EPG5: variants seen among roughly 807,000 people sequenced by gnomAD.
The protein encoded by EPG5 is ectopic P-granules 5 autophagy tethering factor, also known as ectopic P granules protein 5 homolog.
A neutral mutation model predicts 302.7 loss-of-function variants in EPG5; 159 were observed. The observed-to-expected ratio is 0.53, with a 90% CI of 0.46 to 0.60. The LOEUF (loss-of-function observed/expected upper bound fraction) is 0.60. Among genes scored for constraint, EPG5 ranks in the 20% least tolerant of loss-of-function variants. EPG5 has a pLI of 0.00. For missense variants in EPG5, 2,896 were observed against 3,092.4 expected (o/e 0.94, Z 1.51); for synonymous variants, 1,158 against 1,136.8 (o/e 1.02, Z -0.37).
At chr18:45,919,982 A>G (rs573202592) in intron 16 of EPG5, among the ~76,000 whole-genome samples, 17 of 152,306 alleles carry the variant, frequency 1.1e-4, no homozygotes, top group Non-Finnish European at 2.2e-4. Flanking sequence ...CCTCTTTTCT[A>G]AATCAATTCT....
intron 39 of EPG5, among the ~76,000 whole-genome samples, chr18:45,861,796 CT>C (rs960852047): frequency 2.6e-5 from 4 of 151,962 alleles, no homozygotes; most frequent in African/African-American, 7.3e-5. Context: ...TTTCAAGGGT[CT>C]TGTCCATTTT....
chr18:45,879,024 C>T lies in EPG5; in HGVS notation c.5858G>A (p.Ser1953Asn). 1 of 1,614,044 alleles carries T rather than the reference C, an allele frequency of 6.2e-7. No individual in the cohort carries two copies. Among genetic ancestry groups the T allele is most frequent in the Admixed American group, 1.7e-5 (1 of 60,016 alleles). The stretch of plus-strand genomic sequence containing the variant: ...GAGAAGTATATTACCTGTTTTCCTG[C>T]TGGCAGTTGGGTCTTGGGCCAAACA... The part of the protein sequence containing the change: ...MTCLAQDPTA[S>N]RKTVLKSLHS... Residue 1953 changes from serine (S) to asparagine (N), a missense_variant, in exon 33 of 44, where the codon AGC becomes AAC. By Grantham distance (46) the Ser-to-Asn change is conservative. Coordinates refer to ENST00000282041, the MANE Select transcript of EPG5 (RefSeq NM_020964.3).
chr18:45,952,596 T>C lies in EPG5; in HGVS notation c.1056A>G (p.Gln352=), dbSNP rs564612819. 1.9e-5 allele frequency: 30 copies of C among 1,614,150 alleles called. 1 individual carries two copies. The South Asian group carries it at 3.3e-4, about 18-fold the overall frequency. ...QVKVFSYHRY[Q]RVEMNENALV... is the part of the protein sequence containing the mutation. ...GTGCATTTTCATTCATTTCTACTCT[T>C]TGGTAGCGATGATAGCTGAAAACTT... The change falls in exon 3 of 44, where the codon CAA becomes CAG. Residue 352 remains glutamine (Q), a synonymous_variant. Coordinates refer to ENST00000282041, the MANE Select transcript of EPG5 (RefSeq NM_020964.3).
At chr18:45,867,114 A>G (rs1421932319) in intron 37 of EPG5, 107 bp from the exon 38 acceptor site, 4 of 753,608 alleles carry the variant, frequency 5.3e-6, no homozygotes, top group South Asian at 3.4e-5. Flanking sequence ...TATGGTAAGC[A>G]CAGAACAGTT....
At chr18:45,853,714 G>T (rs2048460572) in intron 43 of EPG5, among the ~76,000 whole-genome samples, 1 of 152,208 alleles carries the variant, frequency 6.6e-6, no homozygotes. Flanking sequence ...TACCAGGAGG[G>T]CTGTAGATGG....
chr18:45,936,228 C>G (rs1265497144), intron 10 of EPG5, among the ~76,000 whole-genome samples: 1 of 152,168 alleles, frequency 6.6e-6, no homozygotes, highest in Non-Finnish European at 1.5e-5. Flanking sequence ...AACCTAACAG[C>G]AATTTGAGAG....
the EPG5 span, among the ~76,000 whole-genome samples, chr18:45,802,965 G>A: frequency 6.6e-6 from 1 of 152,190 alleles, no homozygotes; most frequent in African/African-American, 2.4e-5. Context: ...ACAGAGGCCA[G>A]CTTAGCCCTT....
chr18:45,880,629 G>A (rs1475059970), intron 31 of EPG5, among the ~76,000 whole-genome samples: 1 of 152,106 alleles, frequency 6.6e-6, no homozygotes, highest in Non-Finnish European at 1.5e-5. Context: ...CTCAGGGCCT[G>A]GGCTCTCCAG....
intron 22 of EPG5, 28 bp from the exon 23 acceptor site, chr18:45,910,770 A>G (rs1267024462): frequency 6.4e-7 from 1 of 1,553,384 alleles, no homozygotes; most frequent in Non-Finnish European, 8.8e-7. Flanking sequence ...CAGATCTATA[A>G]CCTTTCAACA....
At chr18:45,810,257 G>A in the EPG5 span, among the ~76,000 whole-genome samples, 6 of 152,056 alleles carry the variant, frequency 3.9e-5, no homozygotes, top group Admixed American at 1.3e-4. Context: ...AGGACCAGAC[G>A]GATTCACAGC....
chr18:45,824,976 G>A, the EPG5 span, among the ~76,000 whole-genome samples: 1 of 152,050 alleles, frequency 6.6e-6, no homozygotes, highest in Admixed American at 6.5e-5. Context: ...CAGAAGGACA[G>A]GGAGGTGGCT....
the EPG5 span, among the ~76,000 whole-genome samples, chr18:45,829,345 G>A: frequency 6.6e-6 from 1 of 152,220 alleles, no homozygotes; most frequent in East Asian, 1.9e-4. Flanking sequence ...TGTGCTGACA[G>A]TTGGAATTTC....
In EPG5 at chr18:45,964,874, A is replaced by C. The variant is rs146121727; in HGVS notation, c.63+2303T>G. On this transcript the variant is annotated intron_variant, in intron 1 of 43. Transcript: ENST00000282041. ...AGGCTGAGGCAGGAGAATTGCTTGA[A>C]GCCAGGTGGCAGACGTTGTGGTGAG... is the stretch of plus-strand genomic sequence containing the variant. Among the ~76,000 whole-genome samples, 15 of 152,304 alleles carry C rather than the reference A, an allele frequency of 9.8e-5. 1 individual carries two copies. In the East Asian group the frequency reaches 2.9e-3, roughly 29 times the overall value.
chr18:45,955,391 C>G (rs532330428), intron 1 of EPG5, 53 bp from the exon 2 acceptor site: 1 of 1,272,026 alleles, frequency 7.9e-7, no homozygotes, highest in East Asian at 2.5e-5. Flanking sequence ...TTAATGCTTT[C>G]AGCAGGAGGA....
intron 9 of EPG5, among the ~76,000 whole-genome samples, chr18:45,940,910 G>C (rs189914370): frequency 9.2e-5 from 14 of 152,302 alleles, no homozygotes; most frequent in African/African-American, 3.4e-4. Flanking sequence ...AGGGGGGAGA[G>C]TGAGTTCATT....
chr18:45,858,212 T>C (rs1206054414), intron 41 of EPG5, 144 bp from the exon 42 acceptor site: 7 of 656,594 alleles, frequency 1.1e-5, no homozygotes, highest in South Asian at 7.6e-5. Context: ...AATAGAGCCA[T>C]GGGATTGTAA....
rs921931483 is a variant in EPG5 at position 45,860,467 on chromosome 18, T to C, written c.6767-121A>G. ...AGGCAGATTTTACAGTGCTAGTAGC[T>C]GACTGCAAGGGACTGGAAGGAAGGC... On this transcript the variant is annotated intron_variant, in intron 39 of 43. Coordinates refer to ENST00000282041, the MANE Select transcript of EPG5 (RefSeq NM_020964.3). 3 of 1,259,042 alleles carry C rather than the reference T, an allele frequency of 2.4e-6. No homozygotes were observed. The African/African-American group carries it at 4.4e-5, about 19-fold the overall frequency. The allele number at this position is 1,259,042 out of a possible 1,614,324, so 78.0% of individuals were successfully genotyped here.
At chr18:45,908,122 G>A (rs376596153) in intron 23 of EPG5, 41 bp from the exon 24 acceptor site, 5 of 1,443,044 alleles carry the variant, frequency 3.5e-6, no homozygotes, top group African/African-American at 2.9e-5. Context: ...ATAAAAAGAT[G>A]AGCATACAAA....
At chr18:45,835,407 T>A in the EPG5 span, among the ~76,000 whole-genome samples, 9 of 152,206 alleles carry the variant, frequency 5.9e-5, no homozygotes, top group Admixed American at 6.5e-5. Context: ...CTTAAAATTA[T>A]GGGATGGAGG....
Sources: allele counts gnomAD v4.1 joint callset (sites outside exome capture counted in the v4.1 genomes callset), GRCh38; gene constraint gnomAD v4.1.1; transcripts MANE v1.5; gene names NCBI Gene and HGNC (gene_info 2026-07-23, HGNC 2026-07-21).